The following ITGA9 variants were observed in gnomAD, a reference collection of about 807,000 sequenced individuals.
The protein encoded by ITGA9 is integrin alpha-9.
A neutral mutation model predicts 127.8 loss-of-function variants in ITGA9; 56 were observed. The ratio of observed to expected loss-of-function variants is 0.44; its 90% CI spans 0.35 to 0.55. The LOEUF (loss-of-function observed/expected upper bound fraction) is 0.55, where lower values mean the gene tolerates loss of function less well. ITGA9 is among the 20% of genes least tolerant of loss of function. The pLI is 0.00. For missense variants in ITGA9, 1,196 were observed against 1,347.1 expected, an observed-to-expected ratio of 0.89 and a Z score of 1.76; for synonymous variants, 508 against 514.5, an observed-to-expected ratio of 0.99 and a Z score of 0.17.
chr3:37,453,894 C>G (rs1168980572), intron 1 of ITGA9, among the ~76,000 whole-genome samples: 1 of 152,222 alleles, frequency 6.6e-6, no homozygotes, highest in Non-Finnish European at 1.5e-5. Context: ...TCTCGCCCAG[C>G]TCCACATCTC....
chr3:37,602,991 C>T (rs888597499), intron 15 of ITGA9, among the ~76,000 whole-genome samples: 7 of 152,218 alleles, frequency 4.6e-5, no homozygotes, highest in African/African-American at 9.6e-5. Flanking sequence ...CTGTGGATCA[C>T]TCACCCCCAA....
intron 14 of ITGA9, among the ~76,000 whole-genome samples, chr3:37,540,565 G>A (rs1699255769): frequency 6.6e-6 from 1 of 152,170 alleles, no homozygotes; most frequent in African/African-American, 2.4e-5. Context: ...GAATAGCCTG[G>A]CACCAGAGAT....
At chr3:37,499,236 C>T (rs924930752) in intron 5 of ITGA9, among the ~76,000 whole-genome samples, 2 of 152,236 alleles carry the variant, frequency 1.3e-5, no homozygotes, top group South Asian at 4.1e-4. Flanking sequence ...GCTGGGCTGG[C>T]GTTCACGCCT....
Position 37,776,771 on chromosome 3 carries a change from CCCCG to C in ITGA9, c.2542-620_2542-617del, listed in dbSNP as rs1482524924. 5.9e-5 allele frequency among the ~76,000 whole-genome samples: 9 copies of C among 152,232 alleles called. 1 individual carries two copies. In the South Asian group the frequency reaches 8.3e-4, roughly 14 times the overall value. Reference sequence around the variant, plus strand: ...CCAAGAGCTCGGCAAGCATGCAGGTCCCCGTCTGGCTCAGGGCAGAGACTGGTCA... The same window carrying C: ...CCAAGAGCTCGGCAAGCATGCAGGTCTCTGGCTCAGGGCAGAGACTGGTCA... On this transcript the variant is annotated intron_variant, in intron 23 of 27. Coordinates refer to ENST00000264741, the MANE Select transcript of ITGA9 (RefSeq NM_002207.3).
chr3:37,508,736 A>G lies in ITGA9; in HGVS notation c.897+109A>G, dbSNP rs551923281. On this transcript the variant is annotated intron_variant, in intron 8 of 27. Coordinates refer to ENST00000264741, the MANE Select transcript of ITGA9 (RefSeq NM_002207.3). ...AAGGCCCTACCTGTGCCCTGTGTTTATATGGCAGTGCTGTCTGCTTGTTGG... is the reference window on the plus strand; with the variant it reads ...AAGGCCCTACCTGTGCCCTGTGTTTGTATGGCAGTGCTGTCTGCTTGTTGG... 6 of 814,746 alleles carry G rather than the reference A, an allele frequency of 7.4e-6. No individual in the cohort carries two copies. In the East Asian group the frequency reaches 1.3e-4, roughly 17 times the overall value. 50.5% of individuals were successfully genotyped at this position (814,746 alleles called of 1,614,324 possible).
chr3:37,576,460 G>A (rs1200754151), intron 15 of ITGA9, among the ~76,000 whole-genome samples: 1 of 152,168 alleles, frequency 6.6e-6, no homozygotes, highest in African/African-American at 2.4e-5. Flanking sequence ...ACAGTGTGAG[G>A]TGGGTGGTCA....
chr3:37,471,068 G>T lies in ITGA9; in HGVS notation c.247G>T (p.Ala83Ser). The T allele has an allele frequency of 6.2e-7, 1 of 1,614,126 alleles. No individual in the cohort carries two copies. Among genetic ancestry groups the T allele is most frequent in the Non-Finnish European group, 8.5e-7 (1 of 1,180,018 alleles). Residue 83 changes from alanine to serine, a missense_variant, in exon 2 of 28, where the codon GCT becomes TCT. By Grantham distance (99) the Ala-to-Ser change is moderately conservative. Coordinates refer to ENST00000264741, the MANE Select transcript of ITGA9 (RefSeq NM_002207.3). ...CAGCCCTTCAGTGAAGTCTCCTGGG[G>T]CTGTGTTTAAGTGCCGTGTTCACAC... ...KYSPSVKSPG[A>S]VFKCRVHTNP...
At chr3:37,518,093 C>CGCGCGT (rs368577036) in intron 10 of ITGA9, among the ~76,000 whole-genome samples, 1 of 144,106 alleles carries the variant, frequency 6.9e-6, no homozygotes, top group South Asian at 2.3e-4. Flanking sequence ...AGAGTGTACG[C>CGCGCGT]GTGTGTGTGT....
Position 37,654,790 on chromosome 3 carries a change from C to T in ITGA9, c.1916+1000C>T, listed in dbSNP as rs377314743. Among the ~76,000 whole-genome samples the T allele has an allele frequency of 2.6e-4, 39 of 152,190 alleles. No individual in the cohort carries two copies. The East Asian group carries it at 7.1e-3, about 28-fold the overall frequency. ...ACACATGCCATGGTGGTTTGCTGCA[C>T]CCATCAACCTGTCATCTACATTAGG... On this transcript the variant is annotated intron_variant, in intron 17 of 27. Transcript: ENST00000264741.
chr3:37,726,525 G>T (rs1696205287), intron 18 of ITGA9, among the ~76,000 whole-genome samples: 1 of 152,174 alleles, frequency 6.6e-6, no homozygotes, highest in South Asian at 2.1e-4. Context: ...GGCCAAAGAG[G>T]CTCACTAATT....
At chr3:37,720,961 A>G (rs1310216242) in intron 18 of ITGA9, among the ~76,000 whole-genome samples, 1 of 152,140 alleles carries the variant, frequency 6.6e-6, no homozygotes, top group Non-Finnish European at 1.5e-5. Context: ...CTTTCAAAGC[A>G]CTTTTTTCCT....
At chr3:37,561,170 G>A (rs910125264) in intron 15 of ITGA9, among the ~76,000 whole-genome samples, 11 of 152,108 alleles carry the variant, frequency 7.2e-5, no homozygotes, top group Non-Finnish European at 1.2e-4. Flanking sequence ...ACAGTTCAGC[G>A]CATAAAAATG....
Position 37,494,496 on chromosome 3 carries a change from C to A in ITGA9, c.545-5C>A. On this transcript the variant is annotated splice_polypyrimidine_tract_variant and splice_region_variant and intron_variant, in intron 4 of 27. Coordinates refer to ENST00000264741, the MANE Select transcript of ITGA9 (RefSeq NM_002207.3). Reference sequence around the variant, plus strand: ...GTTTGCTTCTCTCTCCTTCCTTCCCCCTAGAGTATAAGAAGAAGTACGGAG... The same window carrying A: ...GTTTGCTTCTCTCTCCTTCCTTCCCACTAGAGTATAAGAAGAAGTACGGAG... The A allele has an allele frequency of 6.2e-7, 1 of 1,608,318 alleles. No homozygotes were observed. Among genetic ancestry groups the A allele is most frequent in the Non-Finnish European group, 8.5e-7 (1 of 1,174,918 alleles).
intron 5 of ITGA9, 96 bp downstream of exon 5, chr3:37,494,664 G>A: frequency 1.0e-6 from 1 of 971,208 alleles, no homozygotes; most frequent in South Asian, 1.3e-5. Context: ...GACTTCTGGA[G>A]TCCCAGATAC....
chr3:37,657,322 G>C (rs1700488271), intron 17 of ITGA9, among the ~76,000 whole-genome samples: 1 of 152,036 alleles, frequency 6.6e-6, no homozygotes, highest in African/African-American at 2.4e-5. Context: ...CCTGGTCCTG[G>C]GCTTTTTTTG....
At chr3:37,684,488 A>T (rs1158409174) in intron 18 of ITGA9, among the ~76,000 whole-genome samples, 1 of 151,978 alleles carries the variant, frequency 6.6e-6, no homozygotes, top group African/African-American at 2.4e-5. Flanking sequence ...TTATTTATTT[A>T]TTTTTTGAGA....
chr3:37,507,471 T>C (rs1698857183), intron 7 of ITGA9, among the ~76,000 whole-genome samples: 1 of 152,204 alleles, frequency 6.6e-6, no homozygotes, highest in Admixed American at 6.5e-5. Flanking sequence ...GTGATGAACT[T>C]CATAGTCCCT....
intron 4 of ITGA9, among the ~76,000 whole-genome samples, chr3:37,484,235 C>A (rs1325144863): frequency 6.6e-6 from 1 of 152,086 alleles, no homozygotes; most frequent in Admixed American, 6.5e-5. Context: ...TAAGAGCAGC[C>A]CCTTAGAAAA....
chr3:37,637,766 A>G (rs1700294848), intron 16 of ITGA9, among the ~76,000 whole-genome samples: 1 of 152,154 alleles, frequency 6.6e-6, no homozygotes, highest in Non-Finnish European at 1.5e-5. Context: ...TCCACCTCCC[A>G]GGTTCAAGTG....
Sources: gnomAD v4.1 joint callset for allele counts (sites outside exome capture counted in the v4.1 genomes callset) on GRCh38, gnomAD v4.1.1 for gene constraint, MANE v1.5 for transcripts, NCBI Gene and HGNC (gene_info 2026-07-23, HGNC 2026-07-21) for gene names.